The following CREB5 variants were observed in gnomAD, a reference collection of about 807,000 sequenced individuals.
The protein encoded by CREB5 is cAMP responsive element binding protein 5.
In CREB5, 19 loss-of-function variants were observed where a neutral mutation model predicts 57.1. The ratio of observed to expected loss-of-function variants is 0.33; its 90% CI spans 0.23 to 0.49. The LOEUF (loss-of-function observed/expected upper bound fraction) is 0.49, where lower values mean the gene tolerates loss of function less well. CREB5 is among the 20% of genes least tolerant of loss of function. CREB5 has a pLI of 0.99. For missense variants in CREB5, 579 were observed against 671.6 expected, an observed-to-expected ratio of 0.86 and a Z score of 1.52; for synonymous variants, 238 against 238.3, an observed-to-expected ratio of 1.00 and a Z score of 0.01.
intron 5 of CREB5, among the ~76,000 whole-genome samples, chr7:28,705,718 G>C (rs576771932): frequency 6.6e-6 from 1 of 152,336 alleles, no homozygotes; most frequent in South Asian, 2.1e-4. Context: ...AGGACTGTCT[G>C]AGGAATCATT....
intron 7 of CREB5, among the ~76,000 whole-genome samples, chr7:28,790,185 C>T (rs958987264): frequency 4.6e-5 from 7 of 152,242 alleles, no homozygotes; most frequent in African/African-American, 1.7e-4. Context: ...CTCCTTCTTC[C>T]AGGAAGGATT....
intron 1 of CREB5, among the ~76,000 whole-genome samples, chr7:28,321,967 G>A (rs1176332572): frequency 6.6e-6 from 1 of 152,214 alleles, no homozygotes; most frequent in Non-Finnish European, 1.5e-5. Context: ...TTTGGCTTAA[G>A]ATGTAGAAAT....
intron 5 of CREB5, among the ~76,000 whole-genome samples, chr7:28,661,131 A>T (rs145289592): frequency 6.6e-6 from 1 of 152,184 alleles, no homozygotes; most frequent in African/African-American, 2.4e-5. Context: ...TTCTTCAAGG[A>T]TCTTGTTGTC....
intron 1 of CREB5, among the ~76,000 whole-genome samples, chr7:28,342,314 C>G (rs909279891): frequency 6.6e-6 from 1 of 152,118 alleles, no homozygotes; most frequent in Non-Finnish European, 1.5e-5. Context: ...GTAGGAAGAT[C>G]AAAGTGGTAC....
At chr7:28,363,970 G>A (rs2127992613) in intron 1 of CREB5, among the ~76,000 whole-genome samples, 1 of 152,328 alleles carries the variant, frequency 6.6e-6, no homozygotes. Flanking sequence ...CAAGAGCAGT[G>A]TTTGTAGTAA....
intron 7 of CREB5, among the ~76,000 whole-genome samples, chr7:28,732,097 A>T (rs1404754155): frequency 6.6e-6 from 1 of 152,104 alleles, no homozygotes; most frequent in African/African-American, 2.4e-5. Flanking sequence ...TCACACAAGC[A>T]CAGAGGGGTT....
rs1212595303 is a variant in CREB5 at position 28,560,987 on chromosome 7, T to TGCGCGCGCGTGC, written c.292-9377_292-9376insCGCGCGCGTGCG. ...GTGTGTGTGTGCGTGTGTGCGTGCG[T>TGCGCGCGCGTGC]GTGTGTGCCTGCGTGTGCGTGTGTG... On this transcript the variant is annotated intron_variant, in intron 4 of 10. Coordinates refer to ENST00000357727, the MANE Select transcript of CREB5 (RefSeq NM_182898.4). Among the ~76,000 whole-genome samples the TGCGCGCGCGTGC allele has an allele frequency of 1.1e-4, 7 of 64,454 alleles. 1 individual carries two copies. The highest frequency in any genetic ancestry group is 2.8e-4 in the African/African-American group (6 of 21,632). 42.3% of individuals were successfully genotyped at this position (64,454 alleles called of 152,430 possible).
intron 5 of CREB5, among the ~76,000 whole-genome samples, chr7:28,589,631 G>A (rs879907524): frequency 2.0e-5 from 3 of 152,114 alleles, no homozygotes; most frequent in Non-Finnish European, 4.4e-5. Flanking sequence ...TACAAATAGC[G>A]AAATGCATAA....
rs374491404 is a variant in CREB5, at chr7:28,689,422, C to G, written c.465-29331C>G. Among the ~76,000 whole-genome samples the G allele has an allele frequency of 1.8e-4, 28 of 152,186 alleles. No individual in the cohort carries two copies. The East Asian group carries it at 4.6e-3, about 25-fold the overall frequency. ...GGCGGAGCTTGCAGTAAGCCGAGAT[C>G]GAGCCACTGTACTCCAGCCTGGGCG... On this transcript the variant is annotated intron_variant, in intron 5 of 10. Transcript: ENST00000357727.
intron 1 of CREB5, among the ~76,000 whole-genome samples, chr7:28,339,363 ACTACG>A (rs1785888860): frequency 6.6e-6 from 1 of 152,200 alleles, no homozygotes; most frequent in Admixed American, 6.5e-5. Flanking sequence ...GCCCAGTAAC[ACTACG>A]ATTCTTGCAG....
Position 28,649,749 on chromosome 7 carries a change from G to A in CREB5, c.465-69004G>A, listed in dbSNP as rs549617472. 3.3e-4 allele frequency among the ~76,000 whole-genome samples: 51 copies of A among 152,262 alleles called. 1 individual carries two copies. Among genetic ancestry groups the A allele is most frequent in the South Asian group, 2.1e-4 (1 of 4,828 alleles). Reference sequence around the variant, plus strand: ...TCTGTGTAGTTTTTAGAAATAGAGGGTGAACAATAATTTTTGATGAATGAT... The same window carrying A: ...TCTGTGTAGTTTTTAGAAATAGAGGATGAACAATAATTTTTGATGAATGAT... On this transcript the variant is annotated intron_variant, in intron 5 of 10. Coordinates refer to ENST00000357727, the MANE Select transcript of CREB5 (RefSeq NM_182898.4).
At chr7:28,815,352 C>A (rs1301438682) in intron 9 of CREB5, among the ~76,000 whole-genome samples, 1 of 152,180 alleles carries the variant, frequency 6.6e-6, no homozygotes, top group African/African-American at 2.4e-5. Context: ...TCAATATTCT[C>A]AGGGTTCTGC....
intron 4 of CREB5, among the ~76,000 whole-genome samples, chr7:28,515,758 T>C (rs530038093): frequency 1.3e-5 from 2 of 152,298 alleles, no homozygotes; most frequent in Admixed American, 6.5e-5. Context: ...TACTTCGTAC[T>C]GGGTTATTGC....
intron 1 of CREB5, among the ~76,000 whole-genome samples, chr7:28,486,167 C>G (rs1562749901): frequency 6.6e-6 from 1 of 152,124 alleles, no homozygotes; most frequent in South Asian, 2.1e-4. Context: ...AATAGGTTTA[C>G]ATTTTAAAAT....
chr7:28,404,320 T>G (rs1170875305), intron 1 of CREB5, among the ~76,000 whole-genome samples: 1 of 151,992 alleles, frequency 6.6e-6, no homozygotes, highest in African/African-American at 2.4e-5. Flanking sequence ...ATGCCATTGG[T>G]TTTTTTTGCA....
rs201901493 is a variant in CREB5, at chr7:28,676,651, ACT to A, written c.465-42099_465-42098del. On this transcript the variant is annotated intron_variant, in intron 5 of 10. Transcript: ENST00000357727. ...TGGGTGAAGATCCCCAGAGAAGGAA[ACT>A]CTGTGCAATCATTAGTATCCAGAGG... is the stretch of plus-strand genomic sequence containing the variant. 4.9e-3 allele frequency among the ~76,000 whole-genome samples: 748 copies of A among 152,150 alleles called. 6 individuals carry two copies. The highest frequency in any genetic ancestry group is 0.017 in the African/African-American group (702 of 41,492).
intron 5 of CREB5, among the ~76,000 whole-genome samples, chr7:28,697,007 A>C (rs1399118568): frequency 2.6e-5 from 4 of 151,974 alleles, no homozygotes; most frequent in Admixed American, 6.6e-5. Flanking sequence ...AAATATATAC[A>C]TGTGTATATA....
intron 1 of CREB5, among the ~76,000 whole-genome samples, chr7:28,321,879 T>C (rs565522641): frequency 1.3e-5 from 2 of 152,316 alleles, no homozygotes; most frequent in East Asian, 3.9e-4. Context: ...GTCAGATACA[T>C]GAAGTTGGCA....
At chr7:28,586,431 C>T (rs1208304697) in intron 5 of CREB5, among the ~76,000 whole-genome samples, 3 of 152,118 alleles carry the variant, frequency 2.0e-5, no homozygotes, top group Non-Finnish European at 4.4e-5. Context: ...ACAGTTCTAC[C>T]CCAGTAAAAG....
Sources: gnomAD v4.1 joint callset for allele counts (sites outside exome capture counted in the v4.1 genomes callset) on GRCh38, gnomAD v4.1.1 for gene constraint, MANE v1.5 for transcripts, NCBI Gene and HGNC (gene_info 2026-07-23, HGNC 2026-07-21) for gene names.